The following TSC1 variants were observed in gnomAD, a reference collection of about 807,000 sequenced individuals.
TSC1 encodes TSC complex subunit 1.
In TSC1, 20 loss-of-function variants were observed where a neutral mutation model predicts 124.3. The ratio of observed to expected loss-of-function variants is 0.16; its 90% CI spans 0.11 to 0.23. TSC1 has a LOEUF of 0.23. Among genes scored for constraint, TSC1 ranks in the 10% least tolerant of loss-of-function variants. The pLI is 1.00. For synonymous variants in TSC1, 493 were observed against 539.1 expected (o/e 0.91, Z 1.19); for missense variants, 1,124 against 1,448.5 (o/e 0.78, Z 3.64).
chr9:132,909,582 G>C (rs1448130101), intron 12 of TSC1, among the ~76,000 whole-genome samples: 1 of 152,140 alleles, frequency 6.6e-6, no homozygotes, highest in East Asian at 1.9e-4. Flanking sequence ...TAAGACAGCA[G>C]TTCTTTCAAA....
chr9:132,915,817 A>G (rs1053257160), intron 8 of TSC1, among the ~76,000 whole-genome samples: 4 of 152,202 alleles, frequency 2.6e-5, no homozygotes, highest in African/African-American at 9.7e-5. Flanking sequence ...GGGAGAATAT[A>G]AGGCAGCTTC....
rs368858276 is a variant in TSC1, at chr9:132,923,742, C to T, written c.364-250G>A. 17 of 495,172 alleles carry T rather than the reference C, an allele frequency of 3.4e-5. No homozygotes were observed. Among genetic ancestry groups the T allele is most frequent in the East Asian group, 2.2e-4 (6 of 26,840 alleles). 30.7% of individuals were successfully genotyped at this position (495,172 alleles called of 1,614,324 possible). A position where few individuals can be genotyped will look rare whatever the true frequency, so the allele number is the denominator to read the frequency against. Reference sequence around the variant, plus strand: ...TACAACACACCTATGCAAAGGCATCCGGGAGACGAGTTCAAACTTGACTTG... The same window carrying T: ...TACAACACACCTATGCAAAGGCATCTGGGAGACGAGTTCAAACTTGACTTG... On this transcript the variant is annotated intron_variant, in intron 5 of 22. Transcript: ENST00000298552. The surrounding 1 kb of genome is among the most constrained non-coding windows in gnomAD (Gnocchi z 4.2).
At position 132,896,098 on chromosome 9, in the gene TSC1, G is replaced by A. The variant is rs1014816818; in HGVS notation, c.*137C>T. 32 of 1,335,172 alleles carry A rather than the reference G, an allele frequency of 2.4e-5. No homozygotes were observed. The highest frequency in any genetic ancestry group is 3.2e-5 in the Non-Finnish European group (30 of 943,686). 82.7% of individuals were successfully genotyped at this position (1,335,172 alleles called of 1,614,324 possible). ...AAAACCGTTCTGCATTCAGTCAGCT[G>A]TCCAAAGGACCTCCGTCCCATTTCC... On this transcript the variant is annotated 3_prime_UTR_variant, in exon 23 of 23. Coordinates refer to ENST00000298552, the MANE Select transcript of TSC1 (RefSeq NM_000368.5). This position sits in a 1 kb window ranked among gnomAD's most constrained non-coding sequence, Gnocchi z 4.5.
chr9:132,909,907 C>G (rs1413647824), intron 12 of TSC1: 2 of 152,998 alleles, frequency 1.3e-5, no homozygotes, highest in African/African-American at 4.8e-5. Context: ...TGCCTTGATT[C>G]AGGCTAAGTT....
Position 132,894,007 on chromosome 9 carries a change from C to A in TSC1, c.*2228G>T, listed in dbSNP as rs528833042. The A allele has an allele frequency of 4.3e-6, 1 of 233,526 alleles. No individual in the cohort carries two copies. The highest frequency in any genetic ancestry group is 8.5e-6 in the Non-Finnish European group (1 of 118,018). 14.5% of individuals were successfully genotyped at this position (233,526 alleles called of 1,614,324 possible). The stretch of plus-strand genomic sequence containing the variant: ...CTTCAACATGACTCCAGGTCTCATT[C>A]TCCCAACCGTAGTTGAATAAAACCC... On this transcript the variant is annotated 3_prime_UTR_variant, in exon 23 of 23. Transcript: ENST00000298552.
chr9:132,899,053 A>C (rs1451078163), intron 20 of TSC1: 1 of 152,326 alleles, frequency 6.6e-6, no homozygotes, highest in Admixed American at 6.5e-5. Flanking sequence ...CAGCTCCCCA[A>C]GTAGCTGGGA....
chr9:132,935,231 C>T (rs965268830), intron 1 of TSC1, 136 bp from the exon 2 acceptor site: 37 of 395,524 alleles, frequency 9.4e-5, no homozygotes, highest in Non-Finnish European at 3.6e-5. Flanking sequence ...GGAATGAACA[C>T]TCATAATCAT....
In TSC1 at chr9:132,906,820, C is replaced by T. The variant is rs2131867954; in HGVS notation, c.1349G>A (p.Ser450Asn). 6.2e-7 allele frequency: 1 copy of T among 1,614,096 alleles called. No homozygotes were observed. Among genetic ancestry groups the T allele is most frequent in the Non-Finnish European group, 8.5e-7 (1 of 1,179,998 alleles). ...NDRGSEEPPG[S>N]KGSVTLSDLP... The stretch of plus-strand genomic sequence containing the variant: ...ATCACTTAGAGTGACAGAACCTTTG[C>T]TGCCAGGTGGCTCTTCTGAAGAGAA... The change falls in exon 14 of 23, where the codon AGC becomes AAC. Residue 450 changes from serine to asparagine, a missense_variant. By Grantham distance (46) the Ser-to-Asn change is conservative. This residue lies in a region of TSC1 where 463 missense variants were observed against 606.8 expected (regional missense o/e 0.76). Coordinates refer to ENST00000298552, the MANE Select transcript of TSC1 (RefSeq NM_000368.5). This position sits in a 1 kb window ranked among gnomAD's most constrained non-coding sequence, Gnocchi z 4.1.
intron 1 of TSC1, chr9:132,943,398 C>A (rs1029566649): frequency 4.6e-5 from 7 of 152,176 alleles, no homozygotes; most frequent in African/African-American, 1.7e-4. Flanking sequence ...CCAAGTGCAT[C>A]CCCCCACTTC....
At chr9:132,908,376 AAT>A (rs776805216) in intron 12 of TSC1, among the ~76,000 whole-genome samples, 2 of 152,222 alleles carry the variant, frequency 1.3e-5, no homozygotes, top group Non-Finnish European at 2.9e-5. Flanking sequence ...AGTCTGTTGC[AAT>A]ATGTTATTTT....
intron 2 of TSC1, among the ~76,000 whole-genome samples, chr9:132,933,029 G>A (rs1441606217): frequency 1.3e-5 from 2 of 152,198 alleles, no homozygotes; most frequent in Non-Finnish European, 2.9e-5. Flanking sequence ...TCTATACTCA[G>A]CCAAAATCTG....
intron 2 of TSC1, among the ~76,000 whole-genome samples, chr9:132,929,952 C>T (rs1266215554): frequency 6.6e-6 from 1 of 152,136 alleles, no homozygotes; most frequent in African/African-American, 2.4e-5. Flanking sequence ...ACTAAGCTAA[C>T]CTGTGGTTTT....
Position 132,891,524 on chromosome 9 carries a change from T to C in TSC1, c.*4711A>G, listed in dbSNP as rs918905178. On this transcript the variant is annotated 3_prime_UTR_variant, in exon 23 of 23. Transcript: ENST00000298552. Reference sequence around the variant, plus strand: ...TGGCATCTGATGTGGATTGTTGACATGCTTTTAGGATTGAGGCGGGAAAGT... The same window carrying C: ...TGGCATCTGATGTGGATTGTTGACACGCTTTTAGGATTGAGGCGGGAAAGT... 4.3e-6 allele frequency: 1 copy of C among 233,472 alleles called. No individual in the cohort carries two copies. Among genetic ancestry groups the C allele is most frequent in the African/African-American group, 2.2e-5 (1 of 45,350 alleles). The allele number at this position is 233,472 out of a possible 1,614,324, so 14.5% of individuals were successfully genotyped here.
rs1301964244 is a variant in TSC1, at chr9:132,896,793, T to G, written c.2976-39A>C. ...GGGGAGGAAAAAAGGAGCTGGTGAT[T>G]GGACTGTCCACATTCGGAGGATGTG... is the stretch of plus-strand genomic sequence containing the variant. On this transcript the variant is annotated intron_variant, in intron 22 of 22. Coordinates refer to ENST00000298552, the MANE Select transcript of TSC1 (RefSeq NM_000368.5). The surrounding 1 kb of genome is among the most constrained non-coding windows in gnomAD (Gnocchi z 4.5). 6.2e-7 allele frequency: 1 copy of G among 1,613,316 alleles called. No individual in the cohort carries two copies. The highest frequency in any genetic ancestry group is 1.7e-4 in the Middle Eastern group (1 of 6,058).
rs1844994010 is a variant in TSC1 at position 132,895,644 on chromosome 9, G to C, written c.*591C>G. ...AGCTTATCAGAACTGCCAAAAGAATGCAAGTATGAATAAACCGTTGTTCTT... is the reference window on the plus strand; with the variant it reads ...AGCTTATCAGAACTGCCAAAAGAATCCAAGTATGAATAAACCGTTGTTCTT... On this transcript the variant is annotated 3_prime_UTR_variant, in exon 23 of 23. Coordinates refer to ENST00000298552, the MANE Select transcript of TSC1 (RefSeq NM_000368.5). 2 of 235,536 alleles carry C rather than the reference G, an allele frequency of 8.5e-6. No individual in the cohort carries two copies. The highest frequency in any genetic ancestry group is 1.2e-4 in the East Asian group (2 of 16,622). 14.6% of individuals were successfully genotyped at this position (235,536 alleles called of 1,614,324 possible).
rs1588356172 is a variant in TSC1 at position 132,925,810 on chromosome 9, G to A, written c.211-71C>T. 11 of 1,564,794 alleles carry A rather than the reference G, an allele frequency of 7.0e-6. No individual in the cohort carries two copies. The South Asian group carries it at 1.2e-4, about 17-fold the overall frequency. ...AGTTAACACAAATAAAGACAGCAAT[G>A]ATGTGCTCCAATCTCTCAAGTCTTG... On this transcript the variant is annotated intron_variant, in intron 4 of 22. Transcript: ENST00000298552.
chr9:132,913,698 CG>C (rs1554817909), intron 8 of TSC1, among the ~76,000 whole-genome samples: 4 of 150,264 alleles, frequency 2.7e-5, no homozygotes, highest in Non-Finnish European at 4.4e-5. Context: ...CGGTGGCGGG[CG>C]CCTGTAGTCC....
intron 11 of TSC1, 59 bp from the exon 12 acceptor site, chr9:132,910,751 G>A (rs1473979158): frequency 3.7e-6 from 6 of 1,610,008 alleles, no homozygotes; most frequent in Non-Finnish European, 5.1e-6. Flanking sequence ...AAAAACTGCC[G>A]ATTTTTTTTC....
In TSC1 at chr9:132,895,986, C is replaced by T. The variant is rs1296777494; in HGVS notation, c.*249G>A. 8 of 559,084 alleles carry T rather than the reference C, an allele frequency of 1.4e-5. 1 individual carries two copies. Among genetic ancestry groups the T allele is most frequent in the Non-Finnish European group, 2.6e-5 (8 of 311,496 alleles). 34.6% of individuals were successfully genotyped at this position (559,084 alleles called of 1,614,324 possible). Reference sequence around the variant, plus strand: ...AGCTACTGAGGAACACCAACTGGCCCTTGGATTAGAACACACTGCGAGGTA... The same window carrying T: ...AGCTACTGAGGAACACCAACTGGCCTTTGGATTAGAACACACTGCGAGGTA... On this transcript the variant is annotated 3_prime_UTR_variant, in exon 23 of 23. Transcript: ENST00000298552.
Sources: allele counts gnomAD v4.1 joint callset (sites outside exome capture counted in the v4.1 genomes callset), GRCh38; gene constraint gnomAD v4.1.1; regional missense constraint gnomAD v4.1.1; non-coding constraint Gnocchi (gnomAD v3.1); transcripts MANE v1.5; gene names NCBI Gene and HGNC (gene_info 2026-07-23, HGNC 2026-07-21).